ZNF124: variants seen among roughly 807,000 people sequenced by gnomAD.
The protein encoded by ZNF124 is zinc finger protein HZF-16.
A neutral mutation model predicts 26.6 loss-of-function variants in ZNF124; 25 were observed. That is an observed-to-expected ratio of 0.94 (90% confidence interval 0.68 to 1.31). The LOEUF (loss-of-function observed/expected upper bound fraction) is 1.31. Ranked by LOEUF, ZNF124 falls within the 40% of genes most tolerant of loss-of-function variation. The pLI is 0.00. For synonymous variants in ZNF124, 129 were observed against 133.3 expected (o/e 0.97, Z 0.22); for missense variants, 444 against 422.2 (o/e 1.05, Z -0.45).
chr1:247,166,127 CA>C (rs577110897), intron 1 of ZNF124, among the ~76,000 whole-genome samples: 261 of 152,248 alleles, frequency 1.7e-3, no homozygotes, highest in Non-Finnish European at 2.6e-3. Context: ...TGCAGTAAGC[CA>C]AAATCGTGCC....
intron 1 of ZNF124, among the ~76,000 whole-genome samples, chr1:247,162,809 T>C (rs1673562463): frequency 6.6e-6 from 1 of 152,090 alleles, no homozygotes; most frequent in South Asian, 2.1e-4. Context: ...CTTACACACC[T>C]ACAAAGAGAC....
chr1:247,137,035 C>T (rs1008702059), intron 3 of ZNF124, among the ~76,000 whole-genome samples: 1 of 151,864 alleles, frequency 6.6e-6, no homozygotes, highest in African/African-American at 2.4e-5. Flanking sequence ...AGGCATCATG[C>T]TACCTGACTT....
At position 247,156,738 on chromosome 1, in the gene ZNF124, C is replaced by T; in HGVS notation, c.884G>A (p.Cys295Tyr). ...ACTGGAACATCTGAAGCCTTTACCA[C>T]AATTGTTACATACATAGGGTTTCTG... ...IAQKPYVCNN[C>Y]GKGFRCSSSL... The change falls in exon 4 of 4, where the codon TGT becomes TAT. Residue 295 changes from cysteine (C) to tyrosine (Y), a missense_variant. Physicochemically the swap from Cys to Tyr is radical, Grantham distance 194. Transcript: ENST00000543802. The T allele has an allele frequency of 6.2e-7, 1 of 1,613,054 alleles. No individual in the cohort carries two copies. Among genetic ancestry groups the T allele is most frequent in the Non-Finnish European group, 8.5e-7 (1 of 1,179,706 alleles).
chr1:247,123,783 C>T (rs1452701614), exon 4 of ZNF124: 11 of 686,076 alleles, frequency 1.6e-5, no homozygotes, highest in African/African-American at 1.8e-5. Context: ...TTTGGAGTCA[C>T]GAAGTTAATC....
At chr1:247,124,019 G>C (rs1365706521) in intron 3 of ZNF124, 5 of 503,578 alleles carry the variant, frequency 9.9e-6, no homozygotes, top group Non-Finnish European at 1.9e-5. Context: ...TAGTAGAGAC[G>C]GGGTTTCACC....
At chr1:247,139,923 GTCTT>G (rs1159759189) in intron 3 of ZNF124, among the ~76,000 whole-genome samples, 5 of 152,118 alleles carry the variant, frequency 3.3e-5, no homozygotes, top group Non-Finnish European at 5.9e-5. Flanking sequence ...GCCTTTAACA[GTCTT>G]TCTTTTATTT....
At chr1:247,123,894 G>C (rs1254742273) in intron 3 of ZNF124, 4 of 702,142 alleles carry the variant, frequency 5.7e-6, no homozygotes, top group Non-Finnish European at 1.0e-5. Flanking sequence ...GCATGATACT[G>C]ATTGCAAAAA....
rs78284447 is a variant in ZNF124 at position 247,168,357 on chromosome 1, T to C, written c.30+3491A>G. Among the ~76,000 whole-genome samples the C allele has an allele frequency of 0.094, 14,372 of 152,106 alleles. 826 individuals are homozygous for C. The highest frequency in any genetic ancestry group is 0.16 in the Admixed American group (2,381 of 15,286). On this transcript the variant is annotated intron_variant, in intron 1 of 3. Transcript: ENST00000543802. The surrounding 1 kb of genome is among the most constrained non-coding windows in gnomAD (Gnocchi z 4.0). ...CAGCCTGGCCAACATGGCAAAACCC[T>C]GTCTCTACTAAAAATACAAAAAAAA...
intron 3 of ZNF124, among the ~76,000 whole-genome samples, chr1:247,144,596 G>A (rs1672713227): frequency 6.6e-6 from 1 of 152,052 alleles, no homozygotes; most frequent in African/African-American, 2.4e-5. Context: ...TTGCTACAGA[G>A]CTCCTGTCAA....
At chr1:247,132,572 C>T (rs924212169) in intron 3 of ZNF124, among the ~76,000 whole-genome samples, 2 of 152,152 alleles carry the variant, frequency 1.3e-5, no homozygotes, top group Non-Finnish European at 1.5e-5. Flanking sequence ...GAGGAGACCA[C>T]CCCTCATATT....
chr1:247,167,509 C>T (rs1257925132), intron 1 of ZNF124, among the ~76,000 whole-genome samples: 3 of 152,152 alleles, frequency 2.0e-5, no homozygotes, highest in Non-Finnish European at 1.5e-5. Flanking sequence ...TTTCCTATTT[C>T]TCTTCCCTGG....
chr1:247,143,883 A>T (rs1332021473), intron 3 of ZNF124, among the ~76,000 whole-genome samples: 1 of 152,200 alleles, frequency 6.6e-6, no homozygotes, highest in African/African-American at 2.4e-5. Context: ...AAAAAAAGTA[A>T]CAGTTCTCCA....
At position 247,157,001 on chromosome 1, in the gene ZNF124, T is replaced by A; in HGVS notation, c.621A>T (p.Glu207Asp). 1.9e-6 allele frequency: 3 copies of A among 1,613,936 alleles called. No individual in the cohort carries two copies. The highest frequency in any genetic ancestry group is 2.5e-6 in the Non-Finnish European group (3 of 1,179,970). ...GGAAGGCTTTCCCACAGTGCTTACA[T>A]TCATAGGGTTTCTCTCCAGTATGAG... ...ERTHTGEKPY[E>D]CKHCGKAFRY... The change falls in exon 4 of 4, where the codon GAA becomes GAT. Residue 207 changes from glutamate (E) to aspartate (D), a missense_variant. Glu to Asp is a conservative substitution (Grantham distance 45). Transcript: ENST00000543802.
At chr1:247,137,492 A>G (rs1335064266) in intron 3 of ZNF124, among the ~76,000 whole-genome samples, 4 of 72,674 alleles carry the variant, frequency 5.5e-5, no homozygotes, top group African/African-American at 8.7e-5. Flanking sequence ...AAATACAAAA[A>G]AAAAAAAAAA....
downstream of ZNF124, among the ~76,000 whole-genome samples, chr1:247,150,889 A>G (rs1392795741): frequency 8.9e-6 from 1 of 112,932 alleles, no homozygotes; most frequent in Non-Finnish European, 1.8e-5. Context: ...GGGAAAAATA[A>G]CAAATAAAAT....
intron 3 of ZNF124, among the ~76,000 whole-genome samples, chr1:247,135,642 C>T (rs575662804): frequency 6.6e-6 from 1 of 152,230 alleles, no homozygotes; most frequent in South Asian, 2.1e-4. Context: ...CTATTCCAAA[C>T]AATTGAAAAG....
downstream of ZNF124, among the ~76,000 whole-genome samples, chr1:247,154,588 G>A (rs539005032): frequency 6.6e-6 from 1 of 152,226 alleles, no homozygotes; most frequent in African/African-American, 2.4e-5. Flanking sequence ...TTTCAATATA[G>A]ATGCAAAATG....
At chr1:247,133,972 G>T (rs1266796668) in intron 3 of ZNF124, among the ~76,000 whole-genome samples, 1 of 152,094 alleles carries the variant, frequency 6.6e-6, no homozygotes, top group African/African-American at 2.4e-5. Context: ...TTAAAGGAAA[G>T]AATTTTCAAC....
At chr1:247,124,886 C>T (rs142012823) in intron 3 of ZNF124, among the ~76,000 whole-genome samples, 1,765 of 152,276 alleles carry the variant, frequency 0.012, 18 homozygotes, top group Non-Finnish European at 0.018. Flanking sequence ...CATCCTCGAC[C>T]TCCCCAGGCT....
Sources: allele counts gnomAD v4.1 joint callset (sites outside exome capture counted in the v4.1 genomes callset), GRCh38; gene constraint gnomAD v4.1.1; non-coding constraint Gnocchi (gnomAD v3.1); transcripts MANE v1.5; gene names NCBI Gene and HGNC (gene_info 2026-07-23, HGNC 2026-07-21).